Variants in SRBD1 observed in about 807,000 individuals in gnomAD.
The protein encoded by SRBD1 is S1 RNA binding domain 1.
A neutral mutation model predicts 115.3 loss-of-function variants in SRBD1; 88 were observed. That is an observed-to-expected ratio of 0.76 (90% CI 0.64 to 0.91). The LOEUF (loss-of-function observed/expected upper bound fraction) is 0.91, where lower values mean the gene tolerates loss of function less well. Ranked by LOEUF, SRBD1 falls within the 40% of genes least tolerant of loss-of-function variation. The probability of loss-of-function intolerance (pLI) is 0.00; values close to 1 mark genes in which losing one functional copy is unlikely to be tolerated. For missense variants in SRBD1, 1,385 were observed against 1,177.4 expected, an observed-to-expected ratio of 1.18 and a Z score of -2.58; for synonymous variants, 509 against 407.7, an observed-to-expected ratio of 1.25 and a Z score of -2.99.
intron 14 of SRBD1, among the ~76,000 whole-genome samples, chr2:45,505,980 T>C (rs1173748605): frequency 1.3e-5 from 2 of 152,224 alleles, no homozygotes; most frequent in Non-Finnish European, 2.9e-5. Flanking sequence ...CAGTCAATTA[T>C]CATTTTTGTC....
intron 1 of SRBD1, among the ~76,000 whole-genome samples, chr2:45,608,823 T>A (rs889423987): frequency 2.9e-4 from 38 of 132,472 alleles, no homozygotes; most frequent in East Asian, 2.1e-3. Context: ...AAAAAAAAAA[T>A]TTTTTTTTTT....
At chr2:45,528,887 A>G (rs1558457062) in intron 14 of SRBD1, among the ~76,000 whole-genome samples, 1 of 151,944 alleles carries the variant, frequency 6.6e-6, no homozygotes, top group Non-Finnish European at 1.5e-5. Flanking sequence ...TAGATAAGCT[A>G]CAGCTTAGAA....
chr2:45,487,654 T>C (rs1261306523), intron 15 of SRBD1, among the ~76,000 whole-genome samples: 1 of 152,190 alleles, frequency 6.6e-6, no homozygotes, highest in South Asian at 2.1e-4. Flanking sequence ...ATTAATATTA[T>C]TATTACTAGT....
intron 16 of SRBD1, among the ~76,000 whole-genome samples, chr2:45,453,873 T>C (rs1316630209): frequency 2.0e-5 from 3 of 152,024 alleles, no homozygotes; most frequent in Non-Finnish European, 2.9e-5. Flanking sequence ...CTGCTCATTT[T>C]CCTCTTCTGA....
intron 19 of SRBD1, among the ~76,000 whole-genome samples, chr2:45,412,140 A>G (rs1276105337): frequency 6.6e-6 from 1 of 152,086 alleles, no homozygotes; most frequent in African/African-American, 2.4e-5. Flanking sequence ...AAAAAAAAAT[A>G]AGATGGATGG....
chr2:45,446,978 A>G (rs193254740), intron 16 of SRBD1, among the ~76,000 whole-genome samples: 1 of 152,208 alleles, frequency 6.6e-6, no homozygotes, highest in African/African-American at 2.4e-5. Flanking sequence ...ACCTCCAAAC[A>G]GTCATCCATC....
intron 19 of SRBD1, among the ~76,000 whole-genome samples, chr2:45,397,996 T>A (rs1264857492): frequency 6.6e-6 from 1 of 152,172 alleles, no homozygotes; most frequent in Non-Finnish European, 1.5e-5. Flanking sequence ...TAATTATAAA[T>A]TCAAGTATCA....
intron 16 of SRBD1, 27 bp downstream of exon 16, chr2:45,476,966 T>C: frequency 6.2e-7 from 1 of 1,605,634 alleles, no homozygotes; most frequent in Non-Finnish European, 8.5e-7. Context: ...ATGGATTTCA[T>C]AAATTAAATG....
rs186585524 is a variant in SRBD1 at position 45,527,942 on chromosome 2, C to A, written c.1874+18790G>T. ...AAAGGAAAGGGCACTTAAATGGAAG[C>A]CACTGAAAACAGGAGCCAAAATTTC... On this transcript the variant is annotated intron_variant, in intron 14 of 20. Coordinates refer to ENST00000263736, the MANE Select transcript of SRBD1 (RefSeq NM_018079.5). Among the ~76,000 whole-genome samples the A allele has an allele frequency of 2.8e-3, 423 of 151,928 alleles. 1 individual carries two copies. The highest frequency in any genetic ancestry group is 9.6e-3 in the African/African-American group (397 of 41,488).
intron 16 of SRBD1, among the ~76,000 whole-genome samples, chr2:45,472,164 G>C (rs540390001): frequency 6.6e-6 from 1 of 152,132 alleles, no homozygotes; most frequent in African/African-American, 2.4e-5. Context: ...CCATAAAGAA[G>C]AATGAAGTAC....
chr2:45,431,931 T>G (rs1227873468), intron 16 of SRBD1, among the ~76,000 whole-genome samples: 8 of 152,162 alleles, frequency 5.3e-5, no homozygotes, highest in Admixed American at 3.9e-4. Flanking sequence ...TGCCGTCAGG[T>G]CAGCTGTAAA....
intron 14 of SRBD1, among the ~76,000 whole-genome samples, chr2:45,516,901 A>T (rs570279838): frequency 6.6e-6 from 1 of 152,276 alleles, no homozygotes; most frequent in Non-Finnish European, 1.5e-5. Flanking sequence ...TGAGTACCAT[A>T]TGCTAGGCAC....
rs1299487686 is a variant in SRBD1 at position 45,389,568 on chromosome 2, T to C, written c.2730A>G (p.Ile910Met). The change falls in exon 21 of 21, where the codon ATA (isoleucine) becomes ATG (methionine). Residue 910 changes from isoleucine (I) to methionine (M), a missense_variant. By Grantham distance (10) the Ile-to-Met change is conservative. Coordinates refer to ENST00000263736, the MANE Select transcript of SRBD1 (RefSeq NM_018079.5). ...DFDKPDFKRS[I>M]VCLEDLQIGT... ...CAATCTGCAGATCTTCCAGGCATACTATGCTTCTCTTGAAATCAGGTTTAT... is the reference window on the plus strand; with the variant it reads ...CAATCTGCAGATCTTCCAGGCATACCATGCTTCTCTTGAAATCAGGTTTAT... The C allele has an allele frequency of 1.2e-6, 2 of 1,613,554 alleles. No individual in the cohort carries two copies. The highest frequency in any genetic ancestry group is 1.7e-5 in the Admixed American group (1 of 59,894).
chr2:45,440,228 T>C lies in SRBD1; in HGVS notation c.2050-20334A>G, dbSNP rs143976121. 2.0e-5 allele frequency among the ~76,000 whole-genome samples: 3 copies of C among 152,238 alleles called. No individual in the cohort carries two copies. The East Asian group carries it at 5.8e-4, about 29-fold the overall frequency. On this transcript the variant is annotated intron_variant, in intron 16 of 20. Transcript: ENST00000263736. ...AAATATATAACTTCTTTATGAATCATGAAACTAAAAAAATGAGTCTTTTTG... is the reference window on the plus strand; with the variant it reads ...AAATATATAACTTCTTTATGAATCACGAAACTAAAAAAATGAGTCTTTTTG...
intron 9 of SRBD1, among the ~76,000 whole-genome samples, chr2:45,570,634 G>A (rs369466647): frequency 6.6e-6 from 1 of 152,040 alleles, no homozygotes; most frequent in African/African-American, 2.4e-5. Flanking sequence ...TTATAACAAC[G>A]AAAGAAACAC....
chr2:45,444,564 T>G (rs1368002815), intron 16 of SRBD1, among the ~76,000 whole-genome samples: 1 of 152,218 alleles, frequency 6.6e-6, no homozygotes, highest in Non-Finnish European at 1.5e-5. Context: ...GAATCCTTTT[T>G]GTTCATTATT....
At chr2:45,468,251 A>G (rs1669549118) in intron 16 of SRBD1, among the ~76,000 whole-genome samples, 1 of 152,072 alleles carries the variant, frequency 6.6e-6, no homozygotes, top group Admixed American at 6.6e-5. Context: ...CTCCATATTA[A>G]TCTAGCATTT....
chr2:45,483,824 G>C (rs907989322), intron 15 of SRBD1, among the ~76,000 whole-genome samples: 1 of 151,904 alleles, frequency 6.6e-6, no homozygotes, highest in Admixed American at 6.6e-5. Flanking sequence ...TTTAGAAGTC[G>C]ATGCAAATCT....
chr2:45,602,851 T>A (rs1159722877), intron 2 of SRBD1, among the ~76,000 whole-genome samples: 3 of 152,198 alleles, frequency 2.0e-5, no homozygotes, highest in African/African-American at 7.2e-5. Flanking sequence ...TTTTTTAATG[T>A]TAAGTTCTTG....
Sources: gnomAD v4.1 joint callset for allele counts (sites outside exome capture counted in the v4.1 genomes callset) on GRCh38, gnomAD v4.1.1 for gene constraint, MANE v1.5 for transcripts, NCBI Gene and HGNC (gene_info 2026-07-23, HGNC 2026-07-21) for gene names.